RIC3: variants seen among roughly 807,000 people sequenced by gnomAD.
RIC3 encodes protein RIC-3.
RIC3 carries 28 observed loss-of-function variants against 27.3 expected under a neutral mutation model. The ratio of observed to expected loss-of-function variants is 1.02; its 90% CI spans 0.76 to 1.41. The LOEUF is 1.41. Among genes scored for constraint, RIC3 ranks in the 40% most tolerant of loss-of-function variants. The probability of loss-of-function intolerance (pLI) is 0.00; values close to 1 mark genes in which losing one functional copy is unlikely to be tolerated. For missense variants in RIC3, 501 were observed against 444.7 expected (o/e 1.13, Z -1.14); for synonymous variants, 184 against 160.4 (o/e 1.15, Z -1.11).
At chr11:8,096,709 A>G in the RIC3 span, 1 of 1,613,058 alleles carries the variant, frequency 6.2e-7, no homozygotes, top group Non-Finnish European at 8.5e-7. Context: ...ATGAGCTTTG[A>G]CGAGGATGAG....
rs1345313174 is a variant in RIC3, at chr11:8,126,746, T to A, written c.583A>T (p.Thr195Ser). 6.2e-7 allele frequency: 1 copy of A among 1,614,170 alleles called. No homozygotes were observed. The highest frequency in any genetic ancestry group is 1.3e-5 in the African/African-American group (1 of 75,052). The change falls in exon 5 of 6, where the codon ACC (threonine) becomes TCC (serine). Residue 195 changes from threonine (T) to serine (S), a missense_variant. Thr to Ser is a moderately conservative substitution (Grantham distance 58, BLOSUM62 1). Coordinates refer to ENST00000309737, the MANE Select transcript of RIC3 (RefSeq NM_001206671.4). ...KRLLHQLREI[T>S]RVMKEGKFID... The stretch of plus-strand genomic sequence containing the variant: ...AATTTTCCTTCTTTCATGACCCTGG[T>A]GATTTCTCGGAGCTGATGTAGCAAC...
At position 8,137,484 on chromosome 11, in the gene RIC3, C is replaced by T. The variant is rs1948562054; in HGVS notation, c.428-13G>A. On this transcript the variant is annotated splice_polypyrimidine_tract_variant and intron_variant, in intron 3 of 5. Coordinates refer to ENST00000309737, the MANE Select transcript of RIC3 (RefSeq NM_001206671.4). The stretch of plus-strand genomic sequence containing the variant: ...AGCTCAAAACTGGCTAAAAAATAAG[C>T]AACAATCTAAGAACCATCAGAGACA... The T allele has an allele frequency of 1.2e-6, 2 of 1,610,254 alleles. No individual in the cohort carries two copies. Among genetic ancestry groups the T allele is most frequent in the African/African-American group, 2.7e-5 (2 of 74,816 alleles).
chr11:8,122,864 C>CAAAAAAAAAA (rs55826618), intron 5 of RIC3, among the ~76,000 whole-genome samples: 5 of 63,522 alleles, frequency 7.9e-5, no homozygotes, highest in East Asian at 4.8e-4. Flanking sequence ...ACCAGGTATG[C>CAAAAAAAAAA]AAAAAAAAAA....
intron 1 of RIC3, among the ~76,000 whole-genome samples, chr11:8,151,758 A>G (rs1003706511): frequency 5.9e-5 from 9 of 151,424 alleles, no homozygotes; most frequent in Admixed American, 1.3e-4. Flanking sequence ...TACTAAAAAT[A>G]CAAAAAAATT....
intron 4 of RIC3, among the ~76,000 whole-genome samples, chr11:8,130,519 G>A (rs1160319436): frequency 1.3e-5 from 2 of 152,038 alleles, no homozygotes; most frequent in East Asian, 3.9e-4. Context: ...TTTTTTGCTA[G>A]CCAGAGTTGG....
At position 8,140,169 on chromosome 11, in the gene RIC3, A is replaced by G. The variant is rs761753987; in HGVS notation, c.149T>C (p.Met50Thr). The change falls in exon 2 of 6, where the codon ATG becomes ACG. Residue 50 changes from methionine to threonine, a missense_variant. By Grantham distance (81) the Met-to-Thr change is moderately conservative (BLOSUM62 -1). Coordinates refer to ENST00000309737, the MANE Select transcript of RIC3 (RefSeq NM_001206671.4). ...PEGKLGRFPP[M>T]MHHHQAPSDG... is the part of the protein sequence containing the mutation. The stretch of plus-strand genomic sequence containing the variant: ...TGAGGGTGCCTGGTGATGATGCATC[A>G]TAGGTGGAAATCGGCCCAATTTTCC... 17 of 1,613,042 alleles carry G rather than the reference A, an allele frequency of 1.1e-5. No individual in the cohort carries two copies. The Admixed American group carries it at 1.8e-4, about 17-fold the overall frequency.
At chr11:8,100,725 C>A in the RIC3 span, 1 of 1,562,248 alleles carries the variant, frequency 6.4e-7, no homozygotes, top group Non-Finnish European at 8.8e-7. Context: ...CCCTGGAGGT[C>A]TAGGGAAATC....
intron 1 of RIC3, chr11:8,153,386 A>T (rs1457823795): frequency 2.2e-6 from 1 of 452,012 alleles, no homozygotes; most frequent in Admixed American, 2.4e-5. Context: ...TTAACCGTCA[A>T]ATCCAATGGC....
At chr11:8,131,103 TTCATTCAC>T (rs1210008766) in intron 4 of RIC3, among the ~76,000 whole-genome samples, 70 of 132,976 alleles carry the variant, frequency 5.3e-4, no homozygotes, top group African/African-American at 2.1e-3. Flanking sequence ...TAGGCATTCA[TTCATTCAC>T]TCACTCACTC....
chr11:8,136,248 G>A (rs372012286), intron 4 of RIC3, among the ~76,000 whole-genome samples: 1 of 152,252 alleles, frequency 6.6e-6, no homozygotes, highest in South Asian at 2.1e-4. Flanking sequence ...AGTGAACAAA[G>A]GGCACAGCGT....
chr11:8,107,035 G>A lies in RIC3; in HGVS notation c.*3663C>T, dbSNP rs1564941598. The A allele has an allele frequency of 1.3e-5, 2 of 152,144 alleles. No individual in the cohort carries two copies. Among genetic ancestry groups the A allele is most frequent in the South Asian group, 4.1e-4 (2 of 4,832 alleles). The allele number at this position is 152,144 out of a possible 1,614,324, so 9.4% of individuals were successfully genotyped here. ...AATAGAGCATTATTCCCAATTCATG[G>A]GGAAACTGGTTCTCTGAGAGGTTAA... On this transcript the variant is annotated 3_prime_UTR_variant, in exon 6 of 6. Transcript: ENST00000309737.
intron 4 of RIC3, among the ~76,000 whole-genome samples, chr11:8,127,871 A>G (rs1947179796): frequency 6.6e-6 from 1 of 152,244 alleles, no homozygotes; most frequent in Non-Finnish European, 1.5e-5. Flanking sequence ...TTTAGCCTTA[A>G]TGACTAATAA....
chr11:8,140,403 T>G (rs1948918832), intron 1 of RIC3, among the ~76,000 whole-genome samples: 1 of 152,160 alleles, frequency 6.6e-6, no homozygotes, highest in African/African-American at 2.4e-5. Flanking sequence ...TTCTCTTCCC[T>G]CTGGGTCCTT....
the RIC3 span, chr11:8,100,724 T>A: frequency 6.4e-7 from 1 of 1,560,472 alleles, no homozygotes; most frequent in Non-Finnish European, 8.8e-7. Context: ...GCCCTGGAGG[T>A]CTAGGGAAAT....
At chr11:8,141,619 C>T (rs10431028) in intron 1 of RIC3, among the ~76,000 whole-genome samples, 37,987 of 150,650 alleles carry the variant, frequency 0.25, 4,816 homozygotes, top group East Asian at 0.44. Flanking sequence ...GACAGATCAA[C>T]GAGACAGAAA....
downstream of RIC3, chr11:8,103,573 T>A (rs1343540326): frequency 6.6e-6 from 1 of 152,660 alleles, no homozygotes; most frequent in Non-Finnish European, 1.5e-5. Flanking sequence ...TACATCTCTG[T>A]GAGAGACCCC....
At chr11:8,141,743 C>T (rs1193068678) in intron 1 of RIC3, among the ~76,000 whole-genome samples, 6 of 152,162 alleles carry the variant, frequency 3.9e-5, no homozygotes, top group Admixed American at 6.5e-5. Flanking sequence ...CAGCACCACA[C>T]CACAACTATT....
At position 8,119,016 on chromosome 11, in the gene RIC3, A is replaced by G. The variant is rs75907397; in HGVS notation, c.670+7643T>C. On this transcript the variant is annotated intron_variant, in intron 5 of 5. Transcript: ENST00000309737. ...ATTATGAGGAAAAAAGATAAGCTAC[A>G]TGGCAAACTATCAACAATATCCAAT... 5.3e-5 allele frequency among the ~76,000 whole-genome samples: 8 copies of G among 152,360 alleles called. No homozygotes were observed. The East Asian group carries it at 1.5e-3, about 29-fold the overall frequency.
chr11:8,101,834 GGATGAGAA>G, downstream of RIC3: 1 of 703,250 alleles, frequency 1.4e-6, no homozygotes, highest in Non-Finnish European at 2.3e-6. Flanking sequence ...GGGTGTGAAG[GGATGAGAA>G]TAATTCTTTC....
Sources: allele counts gnomAD v4.1 joint callset (sites outside exome capture counted in the v4.1 genomes callset), GRCh38; gene constraint gnomAD v4.1.1; transcripts MANE v1.5; gene names NCBI Gene and HGNC (gene_info 2026-07-23, HGNC 2026-07-21).